The following CYP2C19 variants were observed in gnomAD, a reference collection of about 807,000 sequenced individuals.
CYP2C19 encodes the protein cytochrome P450 family 2 subfamily C member 19, also known as cytochrome P450 2C19.
CYP2C19 carries 59 observed loss-of-function variants against 40.9 expected under a neutral mutation model. That is an observed-to-expected ratio of 1.44 (90% CI 1.17 to 1.79). The LOEUF (loss-of-function observed/expected upper bound fraction) is 1.79, where lower values mean the gene tolerates loss of function less well. Ranked by LOEUF, CYP2C19 falls within the 40% of genes most tolerant of loss-of-function variation. The pLI is 0.00. For synonymous variants in CYP2C19, 253 were observed against 208.7 expected (o/e 1.21, Z -1.83); for missense variants, 754 against 596.9 (o/e 1.26, Z -2.74).
At chr10:94,793,900 C>G (rs112252949) in intron 5 of CYP2C19, among the ~76,000 whole-genome samples, 1 of 152,144 alleles carries the variant, frequency 6.6e-6, no homozygotes, top group African/African-American at 2.4e-5. Context: ...CAGATAGGGA[C>G]GTTTAAGTCT....
chr10:94,846,218 T>C (rs1564684802), intron 7 of CYP2C19, among the ~76,000 whole-genome samples: 1 of 152,184 alleles, frequency 6.6e-6, no homozygotes, highest in Non-Finnish European at 1.5e-5. Flanking sequence ...TCTGTTTCCT[T>C]TCAGTATGTT....
chr10:94,829,255 G>A (rs1033289108), intron 6 of CYP2C19, among the ~76,000 whole-genome samples: 21 of 152,186 alleles, frequency 1.4e-4, no homozygotes, highest in Non-Finnish European at 1.5e-4. Context: ...ATCCTGCAGA[G>A]TGTTTTCCAA....
chr10:94,768,077 T>A (rs1290337942), intron 1 of CYP2C19, among the ~76,000 whole-genome samples: 3 of 152,204 alleles, frequency 2.0e-5, no homozygotes, highest in Non-Finnish European at 4.4e-5. Flanking sequence ...ATAATTCCCT[T>A]GTGGTATTTA....
chr10:94,804,614 T>C (rs1353393469), intron 5 of CYP2C19, among the ~76,000 whole-genome samples: 1 of 152,166 alleles, frequency 6.6e-6, no homozygotes, highest in East Asian at 1.9e-4. Context: ...TTGACCTGGG[T>C]TGCTCAGATC....
At chr10:94,849,559 C>T (rs1190525580) in intron 7 of CYP2C19, among the ~76,000 whole-genome samples, 3 of 150,782 alleles carry the variant, frequency 2.0e-5, no homozygotes, top group Admixed American at 2.0e-4. Flanking sequence ...TATACATGTG[C>T]CATATTGGTG....
At chr10:94,826,792 G>C (rs1479450804) in intron 6 of CYP2C19, among the ~76,000 whole-genome samples, 1 of 152,058 alleles carries the variant, frequency 6.6e-6, no homozygotes, top group Non-Finnish European at 1.5e-5. Flanking sequence ...GTTGGCTGTG[G>C]GTTTGTCATA....
intron 5 of CYP2C19, among the ~76,000 whole-genome samples, chr10:94,817,683 G>A (rs958661777): frequency 6.6e-6 from 1 of 151,116 alleles, no homozygotes; most frequent in African/African-American, 2.4e-5. Flanking sequence ...GTAATGCCTA[G>A]GTTTTCTTCT....
At position 94,852,865 on chromosome 10, in the gene CYP2C19, G is replaced by A. The variant is rs1849676283; in HGVS notation, c.1424G>A (p.Gly475Glu). 6.2e-7 allele frequency: 1 copy of A among 1,613,904 alleles called. No individual in the cohort carries two copies. Among genetic ancestry groups the A allele is most frequent in the Non-Finnish European group, 8.5e-7 (1 of 1,179,968 alleles). The change falls in exon 9 of 9, where the codon GGA (glycine) becomes GAA (glutamate). Residue 475 changes from glycine to glutamate, a missense_variant. Coordinates refer to ENST00000371321, the MANE Select transcript of CYP2C19 (RefSeq NM_000769.4). ...KDLDTTPVVNGFASVPPFYQL... is the reference protein window; with the variant it reads ...KDLDTTPVVNEFASVPPFYQL... ...CTTGACACAACTCCTGTTGTCAATGGATTTGCTTCTGTCCCGCCCTTCTAT... is the reference window on the plus strand; with the variant it reads ...CTTGACACAACTCCTGTTGTCAATGAATTTGCTTCTGTCCCGCCCTTCTAT...
chr10:94,802,702 G>A (rs746306803), intron 5 of CYP2C19, among the ~76,000 whole-genome samples: 1 of 152,088 alleles, frequency 6.6e-6, no homozygotes, highest in South Asian at 2.1e-4. Context: ...AATTTGGTGT[G>A]TTTTTGCAGT....
chr10:94,801,446 T>C (rs1318063488), intron 5 of CYP2C19, among the ~76,000 whole-genome samples: 1 of 152,212 alleles, frequency 6.6e-6, no homozygotes, highest in African/African-American at 2.4e-5. Context: ...GATTGCACTG[T>C]GGTTTGAGAG....
Position 94,789,891 on chromosome 10 carries a change from G to A in CYP2C19, c.819+7894G>A, listed in dbSNP as rs566955818. ...TTGAATTCTGTGAAGAAACTCAATG[G>A]TAGCTTGATGGGGATGGCATTGAAT... On this transcript the variant is annotated intron_variant, in intron 5 of 8. Transcript: ENST00000371321. Among the ~76,000 whole-genome samples the A allele has an allele frequency of 3.3e-5, 5 of 152,260 alleles. No individual in the cohort carries two copies. In the South Asian group the frequency reaches 8.3e-4, roughly 25 times the overall value.
intron 3 of CYP2C19, among the ~76,000 whole-genome samples, chr10:94,776,632 A>C (rs1398223728): frequency 6.6e-6 from 1 of 152,048 alleles, no homozygotes; most frequent in Admixed American, 6.6e-5. Context: ...AAGCTCTTTA[A>C]ATATAAAGTT....
chr10:94,839,277 A>G (rs1849453292), intron 6 of CYP2C19, among the ~76,000 whole-genome samples: 4 of 151,882 alleles, frequency 2.6e-5, no homozygotes, highest in Non-Finnish European at 2.9e-5. Context: ...CAGCTTGCCC[A>G]ACATTGCCTT....
chr10:94,828,928 A>G (rs1849278570), intron 6 of CYP2C19, among the ~76,000 whole-genome samples: 1 of 151,754 alleles, frequency 6.6e-6, no homozygotes, highest in Admixed American at 6.6e-5. Flanking sequence ...TATGAAGCTT[A>G]GTTTGGCTGG....
In CYP2C19 at chr10:94,810,590, G is replaced by C. The variant is rs140630988; in HGVS notation, c.820-9906G>C. Among the ~76,000 whole-genome samples, 620 of 152,016 alleles carry C rather than the reference G, an allele frequency of 4.1e-3. 1 individual carries two copies. Among genetic ancestry groups the C allele is most frequent in the African/African-American group, 0.013 (542 of 41,494 alleles). ...CTTGTTATTGGTCTCTTCACGGATT[G>C]GACTTCTTCCTGGTTTGGTCTTGGG... On this transcript the variant is annotated intron_variant, in intron 5 of 8. Coordinates refer to ENST00000371321, the MANE Select transcript of CYP2C19 (RefSeq NM_000769.4).
chr10:94,775,774 T>C (rs1260215991), intron 3 of CYP2C19: 5 of 606,924 alleles, frequency 8.2e-6, no homozygotes, highest in Non-Finnish European at 1.4e-5. Context: ...TCCTATGTTC[T>C]CCTGAACTTT....
intron 1 of CYP2C19, among the ~76,000 whole-genome samples, chr10:94,766,111 A>T (rs757698751): frequency 6.6e-6 from 1 of 152,152 alleles, no homozygotes; most frequent in Non-Finnish European, 1.5e-5. Flanking sequence ...CTTTTCCGTC[A>T]TAATGAAGGT....
intron 5 of CYP2C19, among the ~76,000 whole-genome samples, chr10:94,806,671 ATATAT>A (rs1403856755): frequency 2.0e-5 from 3 of 148,172 alleles, no homozygotes; most frequent in East Asian, 3.9e-4. Context: ...ATAGTAAAAA[ATATAT>A]TATAAATACG....
At chr10:94,818,309 G>C (rs965836954) in intron 5 of CYP2C19, among the ~76,000 whole-genome samples, 4 of 150,384 alleles carry the variant, frequency 2.7e-5, no homozygotes, top group African/African-American at 9.8e-5. Flanking sequence ...AGTATAGTTT[G>C]AAGTCAGGTA....
Sources: gnomAD v4.1 joint callset for allele counts (sites outside exome capture counted in the v4.1 genomes callset) on GRCh38, gnomAD v4.1.1 for gene constraint, MANE v1.5 for transcripts, NCBI Gene and HGNC (gene_info 2026-07-23, HGNC 2026-07-21) for gene names.